Variants in CSGALNACT1 observed in about 807,000 individuals in gnomAD.
CSGALNACT1 encodes the protein beta4GalNAcT-1.
CSGALNACT1 carries 52 observed loss-of-function variants against 51.0 expected under a neutral mutation model. That is an observed-to-expected ratio of 1.02 (90% confidence interval 0.82 to 1.29). CSGALNACT1 has a LOEUF of 1.29. Among genes scored for constraint, CSGALNACT1 ranks in the 50% most tolerant of loss-of-function variants. The pLI, the probability that CSGALNACT1 is intolerant of heterozygous loss-of-function variation, is 0.00. For synonymous variants in CSGALNACT1, 341 were observed against 254.4 expected, an observed-to-expected ratio of 1.34 and a Z score of -3.24; for missense variants, 935 against 679.2, an observed-to-expected ratio of 1.38 and a Z score of -4.19.
rs1319326633 is a variant in CSGALNACT1, at chr8:19,601,768, T to A, written c.-416+3A>T. 2.2e-6 allele frequency: 1 copy of A among 452,980 alleles called. No individual in the cohort carries two copies. The highest frequency in any genetic ancestry group is 4.4e-6 in the Non-Finnish European group (1 of 226,410). 28.1% of individuals were successfully genotyped at this position (452,980 alleles called of 1,614,324 possible). On this transcript the variant is annotated splice_donor_region_variant and intron_variant, in intron 2 of 9. Transcript: ENST00000454498. ...TGTTTCTTGAGTGAAAATGCTCACT[T>A]ACCTGGGGGTTCAAGAAGGGAAGGT...
At chr8:19,581,056 G>C (rs895234429) in intron 3 of CSGALNACT1, among the ~76,000 whole-genome samples, 4 of 152,194 alleles carry the variant, frequency 2.6e-5, no homozygotes, top group African/African-American at 9.6e-5. Flanking sequence ...AAGAGGAAAA[G>C]AGAATAATGA....
intron 3 of CSGALNACT1, among the ~76,000 whole-genome samples, chr8:19,524,809 AACAG>A (rs1238966869): frequency 6.6e-6 from 1 of 152,212 alleles, no homozygotes; most frequent in Non-Finnish European, 1.5e-5. Context: ...TCAATGACAG[AACAG>A]ACATAAACAA....
Position 19,675,798 on chromosome 8 carries a change from A to G in CSGALNACT1, c.-544+6675T>C, listed in dbSNP as rs373160894. Among the ~76,000 whole-genome samples, 6 of 151,956 alleles carry G rather than the reference A, an allele frequency of 3.9e-5. No homozygotes were observed. In the East Asian group the frequency reaches 7.7e-4, roughly 20 times the overall value. ...CCACTGTGCCCTGCGCCCTAATTCTATATATGAACCTCCACCCCACTCTGC... is the reference window on the plus strand; with the variant it reads ...CCACTGTGCCCTGCGCCCTAATTCTGTATATGAACCTCCACCCCACTCTGC... On this transcript the variant is annotated intron_variant, in intron 1 of 9. Transcript: ENST00000332246.
chr8:19,623,866 C>G (rs2054129911), intron 1 of CSGALNACT1, among the ~76,000 whole-genome samples: 1 of 152,196 alleles, frequency 6.6e-6, no homozygotes, highest in Admixed American at 6.5e-5. Context: ...GATCTAATGA[C>G]CTAAGATGAT....
At chr8:19,732,679 C>T (rs2063756543) in intron 1 of CSGALNACT1, 1 of 152,180 alleles carries the variant, frequency 6.6e-6, no homozygotes, top group Non-Finnish European at 1.5e-5. Flanking sequence ...TCCACAGACA[C>T]TTTAGGCAAT....
intron 1 of CSGALNACT1, among the ~76,000 whole-genome samples, chr8:19,705,947 C>G (rs1589614877): frequency 6.6e-6 from 1 of 152,090 alleles, no homozygotes; most frequent in Admixed American, 6.6e-5. Flanking sequence ...CTTCAATTAC[C>G]TTGTATTACT....
intron 1 of CSGALNACT1, chr8:19,688,757 G>C (rs1247612647): frequency 6.6e-6 from 1 of 152,256 alleles, no homozygotes. Flanking sequence ...TACACCTGCT[G>C]CTTCCAGATC....
chr8:19,479,941 A>C (rs2070894309), intron 4 of CSGALNACT1, among the ~76,000 whole-genome samples: 1 of 152,200 alleles, frequency 6.6e-6, no homozygotes, highest in African/African-American at 2.4e-5. Context: ...GTGTGATATA[A>C]ATATTGGGAT....
intron 3 of CSGALNACT1, among the ~76,000 whole-genome samples, chr8:19,547,433 G>A (rs539704844): frequency 1.3e-3 from 53 of 40,822 alleles, no homozygotes; most frequent in African/African-American, 5.1e-3. Flanking sequence ...GGAGATAACT[G>A]AATCATGGGG....
chr8:19,648,652 A>G (rs952528487), intron 1 of CSGALNACT1, among the ~76,000 whole-genome samples: 8 of 152,122 alleles, frequency 5.3e-5, no homozygotes, highest in Admixed American at 4.6e-4. Flanking sequence ...TACAAAAAGT[A>G]CTAAAATTAG....
intron 3 of CSGALNACT1, among the ~76,000 whole-genome samples, chr8:19,524,367 T>C (rs1286418585): frequency 6.6e-6 from 1 of 152,200 alleles, no homozygotes; most frequent in Non-Finnish European, 1.5e-5. Flanking sequence ...CGATGCATGT[T>C]ATTTTAATAA....
chr8:19,649,612 C>A (rs952228495), intron 1 of CSGALNACT1, among the ~76,000 whole-genome samples: 3 of 151,782 alleles, frequency 2.0e-5, no homozygotes, highest in Admixed American at 6.6e-5. Context: ...ACAGAATTCA[C>A]AGTTACGAAT....
intron 3 of CSGALNACT1, among the ~76,000 whole-genome samples, chr8:19,537,103 CCCTT>C (rs150021635): frequency 8.5e-4 from 130 of 152,284 alleles, no homozygotes; most frequent in African/African-American, 3.0e-3. Flanking sequence ...CTCAGTATGT[CCCTT>C]CCTTATTAAC....
intron 3 of CSGALNACT1, among the ~76,000 whole-genome samples, chr8:19,535,733 A>T (rs967048880): frequency 1.3e-5 from 2 of 152,194 alleles, no homozygotes; most frequent in African/African-American, 4.8e-5. Flanking sequence ...AAAAAATCAC[A>T]TGATCTTATC....
intron 1 of CSGALNACT1, among the ~76,000 whole-genome samples, chr8:19,707,115 C>T (rs1021521731): frequency 6.6e-6 from 1 of 151,944 alleles, no homozygotes; most frequent in African/African-American, 2.4e-5. Context: ...CAAGACAATC[C>T]AAGTCAGGTA....
At chr8:19,516,952 T>G (rs1467823681) in intron 3 of CSGALNACT1, among the ~76,000 whole-genome samples, 1 of 152,174 alleles carries the variant, frequency 6.6e-6, no homozygotes, top group Admixed American at 6.5e-5. Context: ...TTTCCTGTTC[T>G]CCATTCCCTA....
intron 1 of CSGALNACT1, among the ~76,000 whole-genome samples, chr8:19,669,446 GTTGT>G (rs1412848431): frequency 3.3e-5 from 5 of 151,986 alleles, no homozygotes; most frequent in African/African-American, 4.8e-5. Flanking sequence ...TTTTTTTGTT[GTTGT>G]TTGTTTGGTT....
upstream of CSGALNACT1, among the ~76,000 whole-genome samples, chr8:19,603,071 C>CAG (rs1282167877): frequency 3.4e-5 from 5 of 147,808 alleles, no homozygotes; most frequent in African/African-American, 1.3e-4. Context: ...CACACACACA[C>CAG]ACACACACAC....
intron 1 of CSGALNACT1, among the ~76,000 whole-genome samples, chr8:19,656,379 G>C (rs2058273859): frequency 6.6e-6 from 1 of 151,778 alleles, no homozygotes; most frequent in African/African-American, 2.4e-5. Context: ...AAAACCTCAA[G>C]CCAAAAAAAA....
Sources: gnomAD v4.1 joint callset for allele counts (sites outside exome capture counted in the v4.1 genomes callset) on GRCh38, gnomAD v4.1.1 for gene constraint, MANE v1.5 for transcripts, NCBI Gene and HGNC (gene_info 2026-07-23, HGNC 2026-07-21) for gene names.